The following TENM1 variants were observed in gnomAD, a reference collection of about 807,000 sequenced individuals.
TENM1 encodes the protein teneurin transmembrane protein 1.
A neutral mutation model predicts 174.8 loss-of-function variants in TENM1; 35 were observed. The ratio of observed to expected loss-of-function variants is 0.20; its 90% CI spans 0.15 to 0.27. The LOEUF (loss-of-function observed/expected upper bound fraction) is 0.27. Ranked by LOEUF, TENM1 falls within the 10% of genes least tolerant of loss-of-function variation. The pLI is 1.00. For missense variants in TENM1, 1,633 were observed against 2,130.1 expected (o/e 0.77, Z 4.59); for synonymous variants, 781 against 798.7 (o/e 0.98, Z 0.37).
chrX:125,042,578 G>C, the TENM1 span, among the ~76,000 whole-genome samples: 1 of 111,187 alleles, frequency 9.0e-6, no homozygotes, highest in Admixed American at 9.6e-5. Flanking sequence ...GTCAATACAG[G>C]TAATTTTATT....
intron 1 of TENM1, among the ~76,000 whole-genome samples, chrX:124,941,220 C>G (rs759797343): frequency 5.7e-4 from 64 of 111,991 alleles, no homozygotes; most frequent in African/African-American, 2.0e-3. Context: ...CACTAAAAAT[C>G]TCTTTTTTCA....
chrX:124,493,150 A>G (rs2047109060), intron 20 of TENM1, among the ~76,000 whole-genome samples: 1 of 111,487 alleles, frequency 9.0e-6, no homozygotes, highest in South Asian at 3.8e-4. Context: ...AGTACTTCAA[A>G]CTGTCAAAAA....
chrX:124,936,981 G>A (rs1438298246), intron 1 of TENM1, among the ~76,000 whole-genome samples: 4 of 109,179 alleles, frequency 3.7e-5, no homozygotes, highest in African/African-American at 1.0e-4. Context: ...GGGAGGCGGA[G>A]GTTGCAGTGA....
At chrX:124,455,085 C>A (rs1381421377) in intron 22 of TENM1, among the ~76,000 whole-genome samples, 1 of 112,049 alleles carries the variant, frequency 8.9e-6, no homozygotes, top group African/African-American at 3.2e-5. Context: ...TAAGACTTGG[C>A]TTTATGGTAT....
the TENM1 span, among the ~76,000 whole-genome samples, chrX:125,175,902 C>T: frequency 8.9e-6 from 1 of 111,875 alleles, no homozygotes; most frequent in African/African-American, 3.2e-5. Context: ...TAGTTAAATG[C>T]TGTATATATT....
At chrX:124,830,372 C>T (rs2056263491) in intron 3 of TENM1, among the ~76,000 whole-genome samples, 1 of 111,634 alleles carries the variant, frequency 9.0e-6, no homozygotes, top group Admixed American at 9.5e-5. Flanking sequence ...CTGCCTGGTA[C>T]ATAGTATGGC....
At chrX:124,420,932 G>A in intron 24 of TENM1, 111 bp from the exon 28 acceptor site, 1 of 720,138 alleles carries the variant, frequency 1.4e-6, no homozygotes, top group Non-Finnish European at 2.0e-6. Flanking sequence ...AACAATCAGT[G>A]AACCAACATT....
At chrX:124,533,115 A>T (rs908844124) in intron 15 of TENM1, among the ~76,000 whole-genome samples, 1 of 112,243 alleles carries the variant, frequency 8.9e-6, no homozygotes, top group Non-Finnish European at 1.9e-5. Context: ...GGCAGGCTAC[A>T]TCAGCTCCAA....
chrX:125,028,025 T>C, the TENM1 span, among the ~76,000 whole-genome samples: 1 of 111,670 alleles, frequency 9.0e-6, no homozygotes, highest in African/African-American at 3.3e-5. Context: ...AAGTCTAATT[T>C]TGTGTGCCTT....
the TENM1 span, among the ~76,000 whole-genome samples, chrX:125,125,526 G>C: frequency 0.012 from 1,383 of 111,504 alleles, 16 homozygotes; most frequent in Non-Finnish European, 0.022. Context: ...GATCCAATAC[G>C]ACAGTTTGAG....
chrX:124,995,760 C>G, the TENM1 span, among the ~76,000 whole-genome samples: 14 of 111,288 alleles, frequency 1.3e-4, no homozygotes, highest in Non-Finnish European at 2.1e-4. Flanking sequence ...TATTTGAGCA[C>G]TAACCATAGA....
At chrX:124,880,150 C>T (rs910461733) in intron 3 of TENM1, among the ~76,000 whole-genome samples, 1 of 111,601 alleles carries the variant, frequency 9.0e-6, no homozygotes. Flanking sequence ...ATTAATTCTT[C>T]CTATTCATGA....
chrX:124,609,172 C>T (rs897239471), intron 11 of TENM1, among the ~76,000 whole-genome samples: 1 of 111,327 alleles, frequency 9.0e-6, no homozygotes, highest in Non-Finnish European at 1.9e-5. Flanking sequence ...AACTTGCCTT[C>T]CCCATTTCCC....
the TENM1 span, among the ~76,000 whole-genome samples, chrX:125,047,523 C>A: frequency 9.0e-6 from 1 of 111,109 alleles, no homozygotes; most frequent in Non-Finnish European, 1.9e-5. Flanking sequence ...ATTCTTAATT[C>A]AAATAATGTA....
chrX:124,832,590 C>T, intron 3 of TENM1, among the ~76,000 whole-genome samples: 1 of 112,027 alleles, frequency 8.9e-6, no homozygotes. Flanking sequence ...TATAGAAAGC[C>T]CTTTCTTGAG....
chrX:125,039,029 C>G, the TENM1 span, among the ~76,000 whole-genome samples: 1 of 111,670 alleles, frequency 9.0e-6, no homozygotes, highest in Admixed American at 9.5e-5. Context: ...GAAAGTCACA[C>G]AGTTAACTAA....
chrX:124,957,445 G>A (rs1037004030), intron 1 of TENM1, among the ~76,000 whole-genome samples: 8 of 110,437 alleles, frequency 7.2e-5, no homozygotes, highest in African/African-American at 2.6e-4. Context: ...TTAGCAAGGT[G>A]TGGTGGCACA....
the TENM1 span, among the ~76,000 whole-genome samples, chrX:125,140,980 G>A: frequency 9.0e-6 from 1 of 111,402 alleles, no homozygotes; most frequent in Non-Finnish European, 1.9e-5. Context: ...GTAAAGGAAG[G>A]AGAGTATATC....
intron 11 of TENM1, among the ~76,000 whole-genome samples, chrX:124,622,795 T>A (rs1229633320): frequency 8.9e-6 from 1 of 112,007 alleles, no homozygotes; most frequent in Non-Finnish European, 1.9e-5. Flanking sequence ...ATCATTCTAA[T>A]GATTTTAAAT....
Sources: gnomAD v4.1 joint callset for allele counts (sites outside exome capture counted in the v4.1 genomes callset) on GRCh38, gnomAD v4.1.1 for gene constraint, MANE v1.5 for transcripts, NCBI Gene and HGNC (gene_info 2026-07-23, HGNC 2026-07-21) for gene names.